The following CACNA1A variants were observed in gnomAD, a reference collection of about 807,000 sequenced individuals.
CACNA1A encodes the protein calcium voltage-gated channel subunit alpha1 A, also known as voltage-dependent P/Q-type calcium channel subunit alpha-1A.
Under a neutral mutation model 262.4 loss-of-function variants are expected in CACNA1A, and 57 were observed. The observed-to-expected ratio is 0.22, with a 90% CI of 0.18 to 0.27. The LOEUF is 0.27. Among genes scored for constraint, CACNA1A ranks in the 10% least tolerant of loss-of-function variants. CACNA1A has a pLI of 1.00. For missense variants in CACNA1A, 2,526 were observed against 3,562.8 expected (o/e 0.71, Z 7.41); for synonymous variants, 1,431 against 1,419.3 (o/e 1.01, Z -0.18).
rs1331045679 is a variant in CACNA1A, at chr19:13,402,729, TATAC to T, written c.540-30954_540-30951del. ...AAATGGACCAAATTTCATATATATA[TATAC>T]ATATATATACACATATATATACACA... On this transcript the variant is annotated intron_variant, in intron 3 of 46. Transcript: ENST00000360228. 1.9e-3 allele frequency among the ~76,000 whole-genome samples: 271 copies of T among 145,632 alleles called. 2 individuals are homozygous for T. The highest frequency in any genetic ancestry group is 6.2e-3 in the African/African-American group (247 of 39,988).
chr19:13,438,799 G>A (rs974908929), intron 3 of CACNA1A, among the ~76,000 whole-genome samples: 3 of 152,184 alleles, frequency 2.0e-5, no homozygotes, highest in African/African-American at 7.2e-5. Context: ...ATGCAAAGGA[G>A]CATACAGAAG....
At chr19:13,475,904 A>G (rs1253181902) in intron 1 of CACNA1A, among the ~76,000 whole-genome samples, 4 of 152,206 alleles carry the variant, frequency 2.6e-5, no homozygotes, top group Non-Finnish European at 5.9e-5. Flanking sequence ...AAAAGTAGGG[A>G]AAAAGTGGGG....
Position 13,318,105 on chromosome 19 carries a change from A to T in CACNA1A, c.1346-784T>A, listed in dbSNP as rs67467753. 3.3e-5 allele frequency among the ~76,000 whole-genome samples: 5 copies of T among 151,432 alleles called. No homozygotes were observed. In the East Asian group the frequency reaches 9.9e-4, roughly 30 times the overall value. On this transcript the variant is annotated intron_variant, in intron 10 of 46. Coordinates refer to ENST00000360228, the MANE Select transcript of CACNA1A (RefSeq NM_001127222.2). The stretch of plus-strand genomic sequence containing the variant: ...TGACACCAGCCTGGGCAACACAGCG[A>T]GACAAGTTCTTTTAAATAACAATTT...
In CACNA1A at chr19:13,452,735, G is replaced by A. The variant is rs147089117; in HGVS notation, c.539+141C>T. On this transcript the variant is annotated intron_variant, in intron 3 of 46. Transcript: ENST00000360228. Reference sequence around the variant, plus strand: ...GCTGAGACATGGAGGTGGGGTGTTGGCAGAAAGGAGGCAGGCGCATAACAA... The same window carrying A: ...GCTGAGACATGGAGGTGGGGTGTTGACAGAAAGGAGGCAGGCGCATAACAA... 4.1e-4 allele frequency: 289 copies of A among 700,686 alleles called. 3 individuals are homozygous for A. The East Asian group carries it at 7.0e-3, about 17-fold the overall frequency. 43.4% of individuals were successfully genotyped at this position (700,686 alleles called of 1,614,324 possible). A position where few individuals can be genotyped will look rare whatever the true frequency, so the allele number is the denominator to read the frequency against.
intron 24 of CACNA1A, among the ~76,000 whole-genome samples, chr19:13,268,675 C>T (rs960104806): frequency 6.6e-6 from 1 of 152,040 alleles, no homozygotes; most frequent in Non-Finnish European, 1.5e-5. Context: ...ACCTCGTGAT[C>T]CGCCCACCTT....
intron 3 of CACNA1A, among the ~76,000 whole-genome samples, chr19:13,405,046 C>T (rs9676567): frequency 0.049 from 7,419 of 151,544 alleles, 614 homozygotes; most frequent in African/African-American, 0.17. Context: ...ACAGGCACCC[C>T]GCCACCACAC....
intron 38 of CACNA1A, among the ~76,000 whole-genome samples, chr19:13,218,154 G>A (rs776590637): frequency 2.6e-5 from 4 of 151,784 alleles, no homozygotes; most frequent in African/African-American, 7.3e-5. Flanking sequence ...GCAATGGTGC[G>A]ATCTTGGCTC....
chr19:13,214,632 C>T lies in CACNA1A; in HGVS notation c.5732-24G>A. On this transcript the variant is annotated intron_variant, in intron 38 of 46. Coordinates refer to ENST00000360228, the MANE Select transcript of CACNA1A (RefSeq NM_001127222.2). This position sits in a 1 kb window ranked among gnomAD's most constrained non-coding sequence, Gnocchi z 4.1. ...TCCTGCAATGGGGGTGTAGACAGAC[C>T]CTGACTGCCTGCCTGGGTGTCAGCT... 2 of 1,570,686 alleles carry T rather than the reference C, an allele frequency of 1.3e-6. No individual in the cohort carries two copies. The highest frequency in any genetic ancestry group is 1.7e-6 in the Non-Finnish European group (2 of 1,143,848).
chr19:13,292,998 G>T (rs1410409010), intron 19 of CACNA1A, among the ~76,000 whole-genome samples: 1 of 152,116 alleles, frequency 6.6e-6, no homozygotes, highest in Non-Finnish European at 1.5e-5. Context: ...TCAGAATGGG[G>T]GTCTGGCCAG....
At chr19:13,272,778 G>A (rs551758948) in intron 24 of CACNA1A, 1 of 152,032 alleles carries the variant, frequency 6.6e-6, no homozygotes, top group Admixed American at 6.6e-5. Context: ...GGGCTGAAAG[G>A]CAGAGAGGGG....
In CACNA1A at chr19:13,500,538, G is replaced by A. The variant is rs191749740; in HGVS notation, c.293+5394C>T. ...TAATCCTAAGCCATCGAGGCCAGAC[G>A]TGCTTTGGAATTCAGAACTCAGGGC... On this transcript the variant is annotated intron_variant, in intron 1 of 46. Transcript: ENST00000360228. 2.1e-3 allele frequency among the ~76,000 whole-genome samples: 327 copies of A among 152,290 alleles called. 2 individuals carry two copies. Among genetic ancestry groups the A allele is most frequent in the African/African-American group, 7.1e-3 (297 of 41,552 alleles).
rs759417335 is a variant in CACNA1A at position 13,214,598 on chromosome 19, G to A, written c.5742C>T (p.Asp1914=). The change falls in exon 39 of 47, where the codon GAC becomes GAT. Residue 1914 remains aspartate (D), a synonymous_variant. Transcript: ENST00000360228. The surrounding 1 kb of genome is among the most constrained non-coding windows in gnomAD (Gnocchi z 4.1). ...GCAGCTCAGCGTCCATCTGCTGTTT[G>A]TCGGCTCCTCCTGCAATGGGGGTGT... The part of the protein sequence containing the change: ...LDIKIAKGGA[D]KQQMDAELRK... The A allele has an allele frequency of 5.0e-6, 8 of 1,613,378 alleles. No homozygotes were observed. In the South Asian group the frequency reaches 5.5e-5, roughly 11 times the overall value.
intron 9 of CACNA1A, 87 bp downstream of exon 9, chr19:13,332,782 C>T: frequency 1.2e-6 from 1 of 807,134 alleles, no homozygotes; most frequent in East Asian, 2.6e-5. Flanking sequence ...ATCCTTAGAA[C>T]CAGTCACCTG....
chr19:13,464,717 T>G (rs1037982908), intron 1 of CACNA1A, among the ~76,000 whole-genome samples: 3 of 150,128 alleles, frequency 2.0e-5, no homozygotes, highest in African/African-American at 7.4e-5. Context: ...CCCGGCTAAT[T>G]TTTAGTATTT....
chr19:13,469,884 A>G (rs1488322690), intron 1 of CACNA1A, among the ~76,000 whole-genome samples: 3 of 151,758 alleles, frequency 2.0e-5, no homozygotes, highest in Non-Finnish European at 4.4e-5. Flanking sequence ...TGCCTTGTCA[A>G]CCTTACATAG....
At position 13,402,767 on chromosome 19, in the gene CACNA1A, TAC is replaced by T. The variant is rs2059920002; in HGVS notation, c.540-30990_540-30989del. On this transcript the variant is annotated intron_variant, in intron 3 of 46. Transcript: ENST00000360228. ...ACACATATATATACACACATATATA[TAC>T]ATATATATACATATATATACATATA... Among the ~76,000 whole-genome samples the T allele has an allele frequency of 2.3e-5, 3 of 130,616 alleles. No individual in the cohort carries two copies. In the South Asian group the frequency reaches 7.9e-4, roughly 35 times the overall value. 85.7% of individuals were successfully genotyped at this position (130,616 alleles called of 152,430 possible).
chr19:13,367,951 AG>A (rs2059246986), intron 4 of CACNA1A, among the ~76,000 whole-genome samples: 2 of 152,220 alleles, frequency 1.3e-5, no homozygotes, highest in East Asian at 3.9e-4. Context: ...TGGGAGAGGA[AG>A]GGGTTAATAC....
rs1158240590 is a variant in CACNA1A at position 13,207,397 on chromosome 19, C to T, written c.7437G>A (p.Ala2479=). The T allele has an allele frequency of 5.2e-6, 8 of 1,538,262 alleles. No homozygotes were observed. Among genetic ancestry groups the T allele is most frequent in the East Asian group, 4.9e-5 (2 of 40,780 alleles). The change falls in exon 47 of 47, where the codon GCG becomes GCA. Residue 2479 remains alanine, a synonymous_variant. Coordinates refer to ENST00000360228, the MANE Select transcript of CACNA1A (RefSeq NM_001127222.2). The surrounding 1 kb of genome is among the most constrained non-coding windows in gnomAD (Gnocchi z 5.7). The part of the protein sequence containing the change: ...GRRLPNGYYP[A]HGLARPRGPG... ...GCCCGCGGGGCCTGGCCAGTCCGTG[C>T]GCCGGGTAGTAGCCGTTGGGGAGTC...
In CACNA1A at chr19:13,207,932, G is replaced by C; in HGVS notation, c.6902C>G (p.Pro2301Arg). 6.9e-7 allele frequency: 1 copy of C among 1,445,312 alleles called. No individual in the cohort carries two copies. The highest frequency in any genetic ancestry group is 9.1e-7 in the Non-Finnish European group (1 of 1,104,958). The allele number at this position is 1,445,312 out of a possible 1,614,324, so 89.5% of individuals were successfully genotyped here. A position where few individuals can be genotyped will look rare whatever the true frequency, so the allele number is the denominator to read the frequency against. Reference protein sequence around the residue: ...STPRPHVSYSPVIRKAGGSGP... With the variant: ...STPRPHVSYSRVIRKAGGSGP... ...CGAGCCGCCGGCCTTACGGATCACA[G>C]GGGAATAGGACACGTGTGGCCGGGG... Residue 2301 changes from proline to arginine, a missense_variant, in exon 47 of 47, where the codon CCT becomes CGT. Physicochemically the swap from Pro to Arg is moderately radical, Grantham distance 103. This residue lies in a region of CACNA1A where 929 missense variants were observed against 868.1 expected (regional missense o/e 1.07). Transcript: ENST00000360228. The surrounding 1 kb of genome is among the most constrained non-coding windows in gnomAD (Gnocchi z 5.7).
Sources: gnomAD v4.1 joint callset for allele counts (sites outside exome capture counted in the v4.1 genomes callset) on GRCh38, gnomAD v4.1.1 for gene constraint, gnomAD v4.1.1 regional missense constraint, Gnocchi (gnomAD v3.1) non-coding constraint, MANE v1.5 for transcripts, NCBI Gene and HGNC (gene_info 2026-07-23, HGNC 2026-07-21) for gene names.